Variants in ULK4 observed in about 807,000 individuals in gnomAD.
ULK4 encodes unc-51 like kinase 4.
Under a neutral mutation model 160.6 loss-of-function variants are expected in ULK4, and 133 were observed. That is an observed-to-expected ratio of 0.83 (90% CI 0.72 to 0.96). ULK4 has a LOEUF of 0.96. Ranked by LOEUF, ULK4 falls within the 40% of genes least tolerant of loss-of-function variation. The pLI is 0.00. For missense variants in ULK4, 1,580 were observed against 1,499.5 expected (o/e 1.05, Z -0.89); for synonymous variants, 534 against 539.8 (o/e 0.99, Z 0.15).
At chr3:41,931,240 C>T (rs376325616) in intron 5 of ULK4, among the ~76,000 whole-genome samples, 363 of 152,080 alleles carry the variant, frequency 2.4e-3, no homozygotes, top group African/African-American at 7.8e-3. Flanking sequence ...AACAGAAAAC[C>T]AAACACCACA....
chr3:41,283,848 A>G (rs1045275694), intron 35 of ULK4, among the ~76,000 whole-genome samples: 11 of 151,782 alleles, frequency 7.2e-5, no homozygotes, highest in Non-Finnish European at 1.6e-4. Flanking sequence ...CTGATAAAAA[A>G]AATTCAGCAA....
At chr3:41,602,227 A>C (rs2032113460) in intron 31 of ULK4, among the ~76,000 whole-genome samples, 1 of 149,862 alleles carries the variant, frequency 6.7e-6, no homozygotes, top group Admixed American at 6.7e-5. Context: ...AAGAGAAGAA[A>C]GGAAAGGAAA....
At chr3:41,572,534 G>T (rs996789589) in intron 31 of ULK4, among the ~76,000 whole-genome samples, 1 of 151,848 alleles carries the variant, frequency 6.6e-6, no homozygotes, top group African/African-American at 2.4e-5. Context: ...GCCGAGGCAG[G>T]TGGATCACAA....
chr3:41,479,894 A>G (rs1009329489), intron 32 of ULK4, among the ~76,000 whole-genome samples: 4 of 152,268 alleles, frequency 2.6e-5, no homozygotes, highest in Middle Eastern at 3.4e-3. Context: ...AATAATACCA[A>G]TGTGTATATT....
At chr3:41,656,140 T>C (rs2034928691) in intron 30 of ULK4, among the ~76,000 whole-genome samples, 1 of 152,016 alleles carries the variant, frequency 6.6e-6, no homozygotes, top group Non-Finnish European at 1.5e-5. Flanking sequence ...CTACCTTCTG[T>C]CAATGGGATT....
intron 32 of ULK4, among the ~76,000 whole-genome samples, chr3:41,494,084 C>T (rs1464196897): frequency 1.4e-4 from 16 of 117,212 alleles, no homozygotes; most frequent in Middle Eastern, 4.0e-3. Context: ...TTTTATGAGG[C>T]CAGCATCATC....
chr3:41,461,970 C>A (rs2083696041), intron 33 of ULK4, among the ~76,000 whole-genome samples: 1 of 152,120 alleles, frequency 6.6e-6, no homozygotes, highest in South Asian at 2.1e-4. Context: ...AAGTACGTAA[C>A]AATTATTTAC....
intron 32 of ULK4, among the ~76,000 whole-genome samples, chr3:41,565,201 G>A (rs3897976): frequency 0.092 from 14,067 of 152,210 alleles, 830 homozygotes; most frequent in Non-Finnish European, 0.12. Context: ...GTGTATCTCA[G>A]AACAGATTGC....
Position 41,325,938 on chromosome 3 carries a change from G to A in ULK4, c.3678+72141C>T, listed in dbSNP as rs1052643467. On this transcript the variant is annotated intron_variant, in intron 35 of 36. Transcript: ENST00000301831. ...CATCTCAAAATAAATAAATAAATAA[G>A]TAATAGATATATAGATATAAATAAA... Among the ~76,000 whole-genome samples, 13 of 151,786 alleles carry A rather than the reference G, an allele frequency of 8.6e-5. No individual in the cohort carries two copies. The South Asian group carries it at 1.2e-3, about 15-fold the overall frequency.
chr3:41,306,357 GC>G (rs1315161728), intron 35 of ULK4, among the ~76,000 whole-genome samples: 1 of 132,276 alleles, frequency 7.6e-6, no homozygotes, highest in Non-Finnish European at 1.5e-5. Context: ...GGGGGGGTCA[GC>G]CCCCCGCCCA....
chr3:41,484,810 C>A (rs565938654), intron 32 of ULK4, among the ~76,000 whole-genome samples: 1 of 152,088 alleles, frequency 6.6e-6, no homozygotes, highest in Non-Finnish European at 1.5e-5. Context: ...ACGACCACCA[C>A]GTGATATCTG....
chr3:41,924,776 G>A (rs1575959483), intron 5 of ULK4, among the ~76,000 whole-genome samples: 1 of 152,130 alleles, frequency 6.6e-6, no homozygotes, highest in East Asian at 1.9e-4. Context: ...TATTTATGGG[G>A]CCTATGATTA....
At chr3:41,824,889 G>A (rs1014990489) in intron 18 of ULK4, among the ~76,000 whole-genome samples, 13 of 152,308 alleles carry the variant, frequency 8.5e-5, no homozygotes, top group East Asian at 7.7e-4. Context: ...CCTGACCCCC[G>A]AATAGACTAA....
chr3:41,829,636 G>C (rs1277477325), intron 18 of ULK4, among the ~76,000 whole-genome samples: 13 of 152,250 alleles, frequency 8.5e-5, no homozygotes, highest in East Asian at 3.9e-4. Context: ...ATTAAAAAGT[G>C]AGGAAAACAA....
Position 41,690,185 on chromosome 3 carries a change from G to A in ULK4, c.2782-8381C>T, listed in dbSNP as rs571354148. On this transcript the variant is annotated intron_variant, in intron 27 of 36. Transcript: ENST00000301831. ...AAATCATCATTCTCAGTAAACTATC[G>A]CAAGAACAAAAAACCAAACACCGCA... 5.2e-4 allele frequency among the ~76,000 whole-genome samples: 78 copies of A among 148,768 alleles called. 1 individual carries two copies. In the East Asian group the frequency reaches 8.0e-3, roughly 15 times the overall value.
chr3:41,446,944 C>G (rs2083310648), intron 34 of ULK4, among the ~76,000 whole-genome samples: 1 of 151,354 alleles, frequency 6.6e-6, no homozygotes, highest in African/African-American at 2.4e-5. Flanking sequence ...ATTAGCCGGG[C>G]ATGGTGGCGT....
At chr3:41,578,977 G>A (rs942595857) in intron 31 of ULK4, among the ~76,000 whole-genome samples, 2 of 152,178 alleles carry the variant, frequency 1.3e-5, no homozygotes, top group Non-Finnish European at 2.9e-5. Flanking sequence ...CTCCTCTTCA[G>A]TATCTATTCT....
intron 11 of ULK4, among the ~76,000 whole-genome samples, chr3:41,909,472 G>A (rs756788618): frequency 5.3e-5 from 8 of 152,108 alleles, no homozygotes; most frequent in Non-Finnish European, 1.0e-4. Flanking sequence ...AGCACTTTGA[G>A]AGGCCAAGAC....
At chr3:41,818,310 T>C (rs931067407) in intron 19 of ULK4, among the ~76,000 whole-genome samples, 2 of 152,136 alleles carry the variant, frequency 1.3e-5, no homozygotes, top group African/African-American at 4.8e-5. Context: ...GCCTTCTCTC[T>C]CCCTTGAGTT....
Sources: allele counts gnomAD v4.1 joint callset (sites outside exome capture counted in the v4.1 genomes callset), GRCh38; gene constraint gnomAD v4.1.1; transcripts MANE v1.5; gene names NCBI Gene and HGNC (gene_info 2026-07-23, HGNC 2026-07-21).